The following CNTN5 variants were observed in gnomAD, a reference collection of about 807,000 sequenced individuals.
CNTN5 encodes contactin 5, also known as contactin-5.
Under a neutral mutation model 129.1 loss-of-function variants are expected in CNTN5, and 77 were observed. The observed-to-expected ratio is 0.60, with a 90% CI of 0.50 to 0.72. The LOEUF (loss-of-function observed/expected upper bound fraction) is 0.72. Ranked by LOEUF, CNTN5 falls within the 30% of genes least tolerant of loss-of-function variation. CNTN5 has a pLI of 0.00. For missense variants in CNTN5, 1,478 were observed against 1,328.8 expected, an observed-to-expected ratio of 1.11 and a Z score of -1.75; for synonymous variants, 509 against 465.6, an observed-to-expected ratio of 1.09 and a Z score of -1.20.
chr11:100,157,416 CAGAATTCTATTTAAGGAAATTT>C (rs1947284611), intron 13 of CNTN5, among the ~76,000 whole-genome samples: 1 of 150,522 alleles, frequency 6.6e-6, no homozygotes, highest in Non-Finnish European at 1.5e-5. Flanking sequence ...CTAAAATGGG[CAGAATTCTATTTAAGGAAATTT>C]TTCCAGTAGC....
intron 13 of CNTN5, among the ~76,000 whole-genome samples, chr11:100,145,427 C>T (rs7115626): frequency 6.6e-6 from 1 of 151,990 alleles, no homozygotes; most frequent in East Asian, 1.9e-4. Flanking sequence ...AATGATGATG[C>T]GTTTAAATTT....
At chr11:99,054,351 C>A (rs1047603720) in intron 1 of CNTN5, among the ~76,000 whole-genome samples, 2 of 151,788 alleles carry the variant, frequency 1.3e-5, no homozygotes, top group African/African-American at 4.8e-5. Flanking sequence ...AGATGTAACA[C>A]AACATTTGTC....
chr11:99,337,613 C>A (rs1437750246), intron 2 of CNTN5, among the ~76,000 whole-genome samples: 3 of 152,126 alleles, frequency 2.0e-5, no homozygotes, highest in East Asian at 1.9e-4. Flanking sequence ...AAACCCACAA[C>A]CTTCCAGCTT....
chr11:99,109,364 C>G (rs1408028678), intron 1 of CNTN5, among the ~76,000 whole-genome samples: 1 of 149,120 alleles, frequency 6.7e-6, no homozygotes, highest in Non-Finnish European at 1.5e-5. Context: ...AGTTTATACA[C>G]TATGCCCATG....
intron 18 of CNTN5, among the ~76,000 whole-genome samples, chr11:100,291,173 G>C (rs1260448927): frequency 2.7e-5 from 4 of 150,462 alleles, no homozygotes; most frequent in Non-Finnish European, 4.5e-5. Context: ...ATGTAAACTA[G>C]TTCAACCATT....
At chr11:99,679,404 C>T (rs1046174848) in intron 3 of CNTN5, among the ~76,000 whole-genome samples, 1 of 152,020 alleles carries the variant, frequency 6.6e-6, no homozygotes, top group African/African-American at 2.4e-5. Context: ...CATGTGTTCA[C>T]TCTACCTTTA....
chr11:99,676,405 C>T (rs1005741623), intron 3 of CNTN5, among the ~76,000 whole-genome samples: 1 of 152,118 alleles, frequency 6.6e-6, no homozygotes, highest in African/African-American at 2.4e-5. Context: ...AAAACTAACA[C>T]AGAAATAAAT....
At chr11:99,123,966 G>C (rs1858491912) in intron 1 of CNTN5, among the ~76,000 whole-genome samples, 1 of 151,318 alleles carries the variant, frequency 6.6e-6, no homozygotes. Flanking sequence ...TATAGTTTGT[G>C]ATTCCTCTAC....
At chr11:99,025,939 A>G (rs945942646) in intron 1 of CNTN5, among the ~76,000 whole-genome samples, 1 of 151,722 alleles carries the variant, frequency 6.6e-6, no homozygotes, top group Non-Finnish European at 1.5e-5. Context: ...TAATTCACCT[A>G]GGTTCTCCCA....
intron 21 of CNTN5, among the ~76,000 whole-genome samples, chr11:100,318,388 A>AT (rs1170555569): frequency 1.3e-5 from 2 of 151,888 alleles, no homozygotes; most frequent in African/African-American, 4.8e-5. Context: ...GTTTCACTGT[A>AT]TTATATAATG....
At chr11:99,214,805 C>T (rs146998577) in intron 1 of CNTN5, among the ~76,000 whole-genome samples, 46 of 152,194 alleles carry the variant, frequency 3.0e-4, no homozygotes, top group African/African-American at 1.1e-3. Flanking sequence ...TCCAGTGATA[C>T]CATAAACTTT....
At chr11:99,812,619 CCT>C (rs1428139464) in intron 3 of CNTN5, among the ~76,000 whole-genome samples, 1 of 152,124 alleles carries the variant, frequency 6.6e-6, no homozygotes, top group African/African-American at 2.4e-5. Context: ...CAGAGCTATT[CCT>C]CTCTTGCTCA....
chr11:99,973,633 T>C (rs1937732601), intron 8 of CNTN5, among the ~76,000 whole-genome samples: 1 of 152,184 alleles, frequency 6.6e-6, no homozygotes, highest in African/African-American at 2.4e-5. Context: ...TCTGCACTAA[T>C]TCTCACGTTT....
At chr11:99,518,188 C>T (rs537454220) in intron 2 of CNTN5, among the ~76,000 whole-genome samples, 10 of 152,080 alleles carry the variant, frequency 6.6e-5, no homozygotes, top group Admixed American at 1.3e-4. Context: ...CAAGTTCAGT[C>T]GGATGCGTAC....
At chr11:99,706,177 C>A (rs986428852) in intron 3 of CNTN5, among the ~76,000 whole-genome samples, 1 of 151,358 alleles carries the variant, frequency 6.6e-6, no homozygotes, top group African/African-American at 2.4e-5. Context: ...GGGAACAAAT[C>A]TGATGAGAGC....
At chr11:100,330,681 TAAAC>T (rs960455614) in intron 21 of CNTN5, among the ~76,000 whole-genome samples, 5 of 149,924 alleles carry the variant, frequency 3.3e-5, no homozygotes, top group African/African-American at 1.3e-4. Flanking sequence ...TTAGCCTCCT[TAAAC>T]AAAACAATTA....
At chr11:100,026,058 C>T (rs956139357) in intron 9 of CNTN5, among the ~76,000 whole-genome samples, 4 of 152,092 alleles carry the variant, frequency 2.6e-5, no homozygotes, top group Non-Finnish European at 5.9e-5. Flanking sequence ...TTTGTGTCCC[C>T]ACCCAAATCT....
chr11:99,621,997 G>C (rs564746025), intron 3 of CNTN5, among the ~76,000 whole-genome samples: 2 of 152,030 alleles, frequency 1.3e-5, no homozygotes, highest in Non-Finnish European at 1.5e-5. Context: ...AATCTGACTC[G>C]TTTTATCTGG....
chr11:99,769,502 T>A (rs1944870627), intron 3 of CNTN5, among the ~76,000 whole-genome samples: 1 of 152,154 alleles, frequency 6.6e-6, no homozygotes, highest in East Asian at 1.9e-4. Flanking sequence ...TTTCCTGTAA[T>A]GAGAATCATG....
Sources: allele counts gnomAD v4.1 joint callset (sites outside exome capture counted in the v4.1 genomes callset), GRCh38; gene constraint gnomAD v4.1.1; transcripts MANE v1.5; gene names NCBI Gene and HGNC (gene_info 2026-07-23, HGNC 2026-07-21).